The following SRGAP2B variants were observed in gnomAD, a reference collection of about 807,000 sequenced individuals.
SRGAP2B encodes the protein SLIT-ROBO Rho GTPase-activating protein 2B.
Under a neutral mutation model 22.2 loss-of-function variants are expected in SRGAP2B, and 9 were observed. The observed-to-expected ratio is 0.41, with a 90% CI of 0.24 to 0.71. The LOEUF is 0.71. Ranked by LOEUF, SRGAP2B falls within the 30% of genes least tolerant of loss-of-function variation. The probability of loss-of-function intolerance (pLI) is 0.35; values close to 1 mark genes in which losing one functional copy is unlikely to be tolerated. For synonymous variants in SRGAP2B, 36 were observed against 87.4 expected (o/e 0.41, Z 3.28); for missense variants, 114 against 235.8 (o/e 0.48, Z 3.38).
chr1:144,957,190 A>T lies in SRGAP2B; in HGVS notation c.261-1589T>A, dbSNP rs1667329360. Among the ~76,000 whole-genome samples, 2 of 151,002 alleles carry T rather than the reference A, an allele frequency of 1.3e-5. 1 individual carries two copies. The highest frequency in any genetic ancestry group is 2.9e-5 in the Non-Finnish European group (2 of 67,990). On this transcript the variant is annotated intron_variant, in intron 3 of 9. Coordinates refer to ENST00000612199, the Ensembl canonical transcript of SRGAP2B. ...CTCCAGTCAGACTCCTACTACAAGG[A>T]AAGTGAGTTGAGAGTAGCTTGGTTA...
intron 3 of SRGAP2B, among the ~76,000 whole-genome samples, chr1:144,992,521 A>C (rs1452036979): frequency 2.6e-4 from 38 of 144,086 alleles, no homozygotes; most frequent in Middle Eastern, 3.4e-3. Context: ...TTCATTTATC[A>C]CATACTAAAA....
intron 4 of SRGAP2B, among the ~76,000 whole-genome samples, chr1:144,922,740 G>A (rs1446290358): frequency 2.0e-5 from 3 of 150,566 alleles, no homozygotes; most frequent in Non-Finnish European, 4.4e-5. Flanking sequence ...TCCAAAGGAA[G>A]GGGCTCCCCA....
At chr1:144,905,725 T>C (rs1357461254) in intron 6 of SRGAP2B, 134 bp downstream of exon 6, 4 of 674,082 alleles carry the variant, frequency 5.9e-6, no homozygotes, top group African/African-American at 5.8e-5. Context: ...CAAGGCCTCA[T>C]TTTCAGTCAT....
chr1:145,090,796 GACTAAACT>G (rs1238249259), intron 2 of SRGAP2B, among the ~76,000 whole-genome samples: 1 of 131,942 alleles, frequency 7.6e-6, no homozygotes, highest in Admixed American at 7.5e-5. Flanking sequence ...TAAAATGAAG[GACTAAACT>G]ATTCAAATCA....
At chr1:145,019,179 CAAAAAAA>C (rs1169095846) in intron 2 of SRGAP2B, among the ~76,000 whole-genome samples, 117 of 40,626 alleles carry the variant, frequency 2.9e-3, no homozygotes, top group African/African-American at 0.011. Context: ...CTTGTCTCTA[CAAAAAAA>C]AAAAAAAAAA....
intron 2 of SRGAP2B, among the ~76,000 whole-genome samples, chr1:145,030,721 AAT>A (rs1161032950): frequency 0.018 from 264 of 14,494 alleles, 2 homozygotes; most frequent in East Asian, 0.037. Flanking sequence ...AAAAAAAAAA[AAT>A]ATATATATAT....
intron 2 of SRGAP2B, among the ~76,000 whole-genome samples, chr1:145,009,007 TA>T (rs368977396): frequency 1.5e-4 from 22 of 143,864 alleles, no homozygotes; most frequent in African/African-American, 3.2e-4. Context: ...CCGTCTCTAC[TA>T]AAAAAAAAAT....
In SRGAP2B at chr1:145,090,079, C is replaced by A. The variant is rs587606151; in HGVS notation, c.67+2756G>T. 2.0e-5 allele frequency among the ~76,000 whole-genome samples: 3 copies of A among 146,672 alleles called. 1 individual carries two copies. The highest frequency in any genetic ancestry group is 2.1e-4 in the South Asian group (1 of 4,730). On this transcript the variant is annotated intron_variant, in intron 2 of 9. Transcript: ENST00000612199. ...AAACCAAACTGCATAGCTGTTACAG[C>A]AATTTTCTTTTTATCTTGGCATCTG... is the stretch of plus-strand genomic sequence containing the variant.
chr1:144,984,412 C>T (rs1553615585), intron 3 of SRGAP2B, among the ~76,000 whole-genome samples: 1 of 145,754 alleles, frequency 6.9e-6, no homozygotes, highest in African/African-American at 2.6e-5. Flanking sequence ...TTTAAAGATA[C>T]CATTAATTTA....
At chr1:144,954,494 C>G (rs587681970) in intron 4 of SRGAP2B, among the ~76,000 whole-genome samples, 1 of 150,580 alleles carries the variant, frequency 6.6e-6, no homozygotes, top group Non-Finnish European at 1.5e-5. Flanking sequence ...CTTTTTCTAC[C>G]TATAACTTTT....
chr1:144,965,493 T>A (rs1553612067), intron 3 of SRGAP2B, among the ~76,000 whole-genome samples: 1 of 145,042 alleles, frequency 6.9e-6, no homozygotes, highest in Non-Finnish European at 1.5e-5. Context: ...CATCTGTACA[T>A]CACCATCATC....
intron 2 of SRGAP2B, among the ~76,000 whole-genome samples, chr1:145,068,130 G>A (rs1334602394): frequency 7.1e-5 from 4 of 56,320 alleles, no homozygotes; most frequent in African/African-American, 3.4e-4. Context: ...TTGAACCCGG[G>A]AGGTGGAGGT....
chr1:145,019,179 CAAAAAAAAA>C (rs1169095846), intron 2 of SRGAP2B, among the ~76,000 whole-genome samples: 3 of 40,670 alleles, frequency 7.4e-5, no homozygotes, highest in East Asian at 6.3e-4. Context: ...CTTGTCTCTA[CAAAAAAAAA>C]AAAAAAAAAA....
At chr1:145,044,894 A>G (rs1553628324) in intron 2 of SRGAP2B, among the ~76,000 whole-genome samples, 2 of 149,204 alleles carry the variant, frequency 1.3e-5, no homozygotes, top group Non-Finnish European at 3.0e-5. Context: ...CCTAGATTCT[A>G]GGTCTGGGTA....
chr1:144,972,880 G>A (rs6660269), intron 3 of SRGAP2B, among the ~76,000 whole-genome samples: 12 of 131,410 alleles, frequency 9.1e-5, no homozygotes, highest in African/African-American at 1.6e-4. Context: ...GCTGAGGCAG[G>A]CAGATCACTT....
chr1:145,006,367 T>C (rs1671592375), intron 2 of SRGAP2B, among the ~76,000 whole-genome samples: 1 of 150,542 alleles, frequency 6.6e-6, no homozygotes, highest in Non-Finnish European at 1.5e-5. Flanking sequence ...GAAGCTATAG[T>C]CAACTTATAA....
chr1:144,983,895 C>T (rs1282469577), intron 3 of SRGAP2B, among the ~76,000 whole-genome samples: 1 of 150,646 alleles, frequency 6.6e-6, no homozygotes. Flanking sequence ...CTGCATACAG[C>T]CATTCATTTT....
exon 4 of SRGAP2B, chr1:144,955,482 C>T (rs782317376): frequency 7.3e-6 from 10 of 1,369,316 alleles, no homozygotes; most frequent in East Asian, 5.0e-5. Context: ...TTGTACAAAT[C>T]GAGGAATGAT....
At chr1:144,922,635 C>T (rs1664337422) in intron 4 of SRGAP2B, among the ~76,000 whole-genome samples, 1 of 150,402 alleles carries the variant, frequency 6.6e-6, no homozygotes, top group African/African-American at 2.5e-5. Flanking sequence ...AAGGAGGATA[C>T]AATTACCTTC....
Sources: allele counts gnomAD v4.1 joint callset (sites outside exome capture counted in the v4.1 genomes callset), GRCh38; gene constraint gnomAD v4.1.1; transcripts MANE v1.5; gene names NCBI Gene and HGNC (gene_info 2026-07-23, HGNC 2026-07-21).